SAT2: variants seen among roughly 807,000 people sequenced by gnomAD.
SAT2 encodes the protein thialysine N-epsilon-acetyltransferase.
A neutral mutation model predicts 24.8 loss-of-function variants in SAT2; 19 were observed. That is an observed-to-expected ratio of 0.77 (90% confidence interval 0.53 to 1.12). SAT2 has a LOEUF of 1.12. Ranked by LOEUF, SAT2 falls within the 50% of genes most tolerant of loss-of-function variation. The pLI is 0.00. For synonymous variants in SAT2, 77 were observed against 77.4 expected, an observed-to-expected ratio of 0.99 and a Z score of 0.03; for missense variants, 190 against 210.7, an observed-to-expected ratio of 0.90 and a Z score of 0.61.
chr17:7,626,943 C>T lies in SAT2; in HGVS notation c.304G>A (p.Gly102Ser). 6.2e-7 allele frequency: 1 copy of T among 1,613,584 alleles called. No homozygotes were observed. Among genetic ancestry groups the T allele is most frequent in the South Asian group, 1.1e-5 (1 of 91,054 alleles). The change falls in exon 4 of 6, where the codon GGT becomes AGT. Residue 102 changes from glycine (G) to serine (S), a missense_variant and splice_region_variant. By Grantham distance (56) the Gly-to-Ser change is moderately conservative. Coordinates refer to ENST00000269298, the MANE Select transcript of SAT2 (RefSeq NM_133491.5). ...CCCAGCCTCAGCTTCTGCCCAGTAC[C>T]CCGATATTCCGGCATCACATAGATA... is the stretch of plus-strand genomic sequence containing the variant. Reference protein sequence around the residue: ...EDIYVMPEYRGQGIGSKIIKK... With the variant: ...EDIYVMPEYRSQGIGSKIIKK...
In SAT2 at chr17:7,626,503, C is replaced by A; in HGVS notation, c.457G>T (p.Gly153Cys). 1 of 1,614,136 alleles carries A rather than the reference C, an allele frequency of 6.2e-7. No individual in the cohort carries two copies. The highest frequency in any genetic ancestry group is 2.2e-5 in the East Asian group (1 of 44,880). ...CCTTGAAAGCAGAAGAAGTGCCAGCCCTCAGCTTCCGTCAGATCTTGGGCT... is the reference window on the plus strand; with the variant it reads ...CCTTGAAAGCAGAAGAAGTGCCAGCACTCAGCTTCCGTCAGATCTTGGGCT... ...LGAQDLTEAE[G>C]WHFFCFQGEA... is the part of the protein sequence containing the mutation. The change falls in exon 6 of 6, where the codon GGC becomes TGC. Residue 153 changes from glycine to cysteine, a missense_variant. Coordinates refer to ENST00000269298, the MANE Select transcript of SAT2 (RefSeq NM_133491.5).
At chr17:7,627,826 G>A (rs572763211), upstream of SAT2, 1 of 678,896 alleles carries the variant, frequency 1.5e-6, no homozygotes, top group East Asian at 2.7e-5. This position sits in a 1 kb window ranked among gnomAD's most constrained non-coding sequence, Gnocchi z 4.8. Context: ...GGAGAGAGTA[G>A]GCCAGCGAGG....
chr17:7,626,700 C>G, intron 5 of SAT2, 53 bp downstream of exon 5: 1 of 1,613,564 alleles, frequency 6.2e-7, no homozygotes, highest in Non-Finnish European at 8.5e-7. Flanking sequence ...GTCCCCCCTC[C>G]ATATACCCTT....
chr17:7,627,188 G>T lies in SAT2; in HGVS notation c.157C>A (p.His53Asn). The change falls in exon 3 of 6, where the codon CAC becomes AAC. Residue 53 changes from histidine (H) to asparagine (N), a missense_variant. Physicochemically the swap from His to Asn is moderately conservative, Grantham distance 68 (BLOSUM62 1). Coordinates refer to ENST00000269298, the MANE Select transcript of SAT2 (RefSeq NM_133491.5). This position sits in a 1 kb window ranked among gnomAD's most constrained non-coding sequence, Gnocchi z 4.8. The stretch of plus-strand genomic sequence containing the variant: ...GGAAGAATCTCTGCTACCAAACAGT[G>T]ATAGAAAGGATTGTCTCCAAAGCCA... ...ADGFGDNPFY[H>N]CLVAEILPAP... 6.2e-7 allele frequency: 1 copy of T among 1,614,130 alleles called. No individual in the cohort carries two copies. The highest frequency in any genetic ancestry group is 1.1e-5 in the South Asian group (1 of 91,086).
At position 7,627,718 on chromosome 17, in the gene SAT2, C is replaced by T. The variant is rs778281010; in HGVS notation, c.-83G>A. On this transcript the variant is annotated 5_prime_UTR_variant, in exon 1 of 6. Transcript: ENST00000269298. The surrounding 1 kb of genome is among the most constrained non-coding windows in gnomAD (Gnocchi z 4.8). ...CCTTAAAGGGCCTACGGACTTGGAT[C>T]CTGAAGAGCCTGAGAGAGCGGGGTG... 6 of 1,506,818 alleles carry T rather than the reference C, an allele frequency of 4.0e-6. No individual in the cohort carries two copies. The highest frequency in any genetic ancestry group is 5.5e-6 in the Non-Finnish European group (6 of 1,084,776). The allele number at this position is 1,506,818 out of a possible 1,614,324, so 93.3% of individuals were successfully genotyped here.
Position 7,627,013 on chromosome 17 carries a change from A to C in SAT2, c.234T>G (p.Tyr78Ter), listed in dbSNP as rs2072232477. 5 of 1,613,858 alleles carry C rather than the reference A, an allele frequency of 3.1e-6. No homozygotes were observed. The highest frequency in any genetic ancestry group is 4.2e-6 in the Non-Finnish European group (5 of 1,179,982). Reference sequence around the variant, plus strand: ...GTCCCTTCCATGTACTGTAGATGAAATAGTATATCCCATAGCCCACCACGC... The same window carrying C: ...GTCCCTTCCATGTACTGTAGATGAACTAGTATATCCCATAGCCCACCACGC... The part of the protein sequence containing the change: ...GPCVVGYGIY[Y>*]FIYSTWKGRT... Residue 78 changes from tyrosine to a stop codon, truncating the protein, a stop_gained, in exon 4 of 6, where the codon TAT becomes TAG. Transcript: ENST00000269298. LOFTEE classifies it high-confidence loss of function. The surrounding 1 kb of genome is among the most constrained non-coding windows in gnomAD (Gnocchi z 4.8).
In SAT2 at chr17:7,627,651, C is replaced by G. The variant is rs1323380609; in HGVS notation, c.-16G>C. On this transcript the variant is annotated 5_prime_UTR_variant, in exon 1 of 6. Transcript: ENST00000269298. The surrounding 1 kb of genome is among the most constrained non-coding windows in gnomAD (Gnocchi z 4.8). Reference sequence around the variant, plus strand: ...CGGAAGCCATCCGGATCCCCGCTGTCTGGGACCAAAGTCCCAGGGCCTCGC... The same window carrying G: ...CGGAAGCCATCCGGATCCCCGCTGTGTGGGACCAAAGTCCCAGGGCCTCGC... The G allele has an allele frequency of 6.2e-7, 1 of 1,614,048 alleles. No individual in the cohort carries two copies. The highest frequency in any genetic ancestry group is 8.5e-7 in the Non-Finnish European group (1 of 1,179,990).
rs923213750 is a variant in SAT2 at position 7,627,148 on chromosome 17, A to C, written c.197T>G (p.Leu66Arg). The C allele has an allele frequency of 1.2e-6, 2 of 1,614,012 alleles. No homozygotes were observed. The highest frequency in any genetic ancestry group is 2.7e-5 in the African/African-American group (2 of 74,908). Residue 66 changes from leucine to arginine, a missense_variant, in exon 3 of 6, where the codon CTA becomes CGA. Transcript: ENST00000269298. This position sits in a 1 kb window ranked among gnomAD's most constrained non-coding sequence, Gnocchi z 4.8. Reference sequence around the variant, plus strand: ...TAAGGGCCAGGTGCTCTTACCCAGTAGCTTCCCGGGCGCTGGAAGAATCTC... The same window carrying C: ...TAAGGGCCAGGTGCTCTTACCCAGTCGCTTCCCGGGCGCTGGAAGAATCTC... ...VAEILPAPGK[L>R]LGPCVVGYGI...
rs766040675 is a variant in SAT2, at chr17:7,626,631, C to A, written c.346-17G>T. 3 of 1,611,664 alleles carry A rather than the reference C, an allele frequency of 1.9e-6. No individual in the cohort carries two copies. The South Asian group carries it at 3.3e-5, about 18-fold the overall frequency. On this transcript the variant is annotated splice_polypyrimidine_tract_variant and intron_variant, in intron 5 of 5. Coordinates refer to ENST00000269298, the MANE Select transcript of SAT2 (RefSeq NM_133491.5). The stretch of plus-strand genomic sequence containing the variant: ...CAAGGCCACCTGTGGGAGAAGACAA[C>A]ACTAACTTTTCTGGGGTCAAAAAAG...
chr17:7,627,872 A>C, upstream of SAT2: 1 of 636,588 alleles, frequency 1.6e-6, no homozygotes, highest in East Asian at 2.9e-5. This position sits in a 1 kb window ranked among gnomAD's most constrained non-coding sequence, Gnocchi z 4.8. Flanking sequence ...ACCCCCTCGA[A>C]TTCTGTCGCA....
At position 7,627,687 on chromosome 17, in the gene SAT2, T is replaced by C. The variant is rs1222801803; in HGVS notation, c.-52A>G. 1.2e-6 allele frequency: 2 copies of C among 1,605,806 alleles called. No homozygotes were observed. The highest frequency in any genetic ancestry group is 2.2e-5 in the South Asian group (2 of 90,896). On this transcript the variant is annotated 5_prime_UTR_variant, in exon 1 of 6. Transcript: ENST00000269298. This position sits in a 1 kb window ranked among gnomAD's most constrained non-coding sequence, Gnocchi z 4.8. Reference sequence around the variant, plus strand: ...GTCCCAGGGCCTCGCAAACGGCAACTAGACCCCTTAAAGGGCCTACGGACT... The same window carrying C: ...GTCCCAGGGCCTCGCAAACGGCAACCAGACCCCTTAAAGGGCCTACGGACT...
chr17:7,626,472 G>C lies in SAT2; in HGVS notation c.488C>G (p.Ala163Gly). 1.9e-6 allele frequency: 3 copies of C among 1,614,048 alleles called. No individual in the cohort carries two copies. The highest frequency in any genetic ancestry group is 2.5e-6 in the Non-Finnish European group (3 of 1,179,996). The change falls in exon 6 of 6, where the codon GCA becomes GGA. Residue 163 changes from alanine (A) to glycine (G), a missense_variant. Physicochemically the swap from Ala to Gly is moderately conservative, Grantham distance 60 (BLOSUM62 0). Coordinates refer to ENST00000269298, the MANE Select transcript of SAT2 (RefSeq NM_133491.5). ...TCACTTTCCTGCCAACTTTCTCGTT[G>C]CCTCTCCTTGAAAGCAGAAGAAGTG... Reference protein sequence around the residue: ...GWHFFCFQGEATRKLAGK With the variant: ...GWHFFCFQGEGTRKLAGK
In SAT2 at chr17:7,627,422, G is replaced by GT. The variant is rs754741028; in HGVS notation, c.67-9dup. 15 of 1,613,922 alleles carry GT rather than the reference G, an allele frequency of 9.3e-6. No homozygotes were observed. The highest frequency in any genetic ancestry group is 1.3e-5 in the Non-Finnish European group (15 of 1,180,004). On this transcript the variant is annotated splice_polypyrimidine_tract_variant and intron_variant, in intron 1 of 5. Coordinates refer to ENST00000269298, the MANE Select transcript of SAT2 (RefSeq NM_133491.5). This position sits in a 1 kb window ranked among gnomAD's most constrained non-coding sequence, Gnocchi z 4.8. Reference sequence around the variant, plus strand: ...TTCGAATTCGGCTAGCTCCTAAGGCGTGGGTACGGAAGCTAGATTAGAGCA... The same window carrying GT: ...TTCGAATTCGGCTAGCTCCTAAGGCGTTGGGTACGGAAGCTAGATTAGAGCA...
chr17:7,626,739 A>C lies in SAT2; in HGVS notation c.345+14T>G. 6.2e-7 allele frequency: 1 copy of C among 1,613,910 alleles called. No individual in the cohort carries two copies. The highest frequency in any genetic ancestry group is 8.5e-7 in the Non-Finnish European group (1 of 1,179,966). On this transcript the variant is annotated intron_variant, in intron 5 of 5. Transcript: ENST00000269298. ...TCTTCAGGTCCTCACTTGTCGCCCCACCCATCTCCTCACCTCAGCCACCTT... is the reference window on the plus strand; with the variant it reads ...TCTTCAGGTCCTCACTTGTCGCCCCCCCCATCTCCTCACCTCAGCCACCTT...
At position 7,627,643 on chromosome 17, in the gene SAT2, C is replaced by A. The variant is rs1330403066; in HGVS notation, c.-8G>T. On this transcript the variant is annotated 5_prime_UTR_variant, in exon 1 of 6. Coordinates refer to ENST00000269298, the MANE Select transcript of SAT2 (RefSeq NM_133491.5). This position sits in a 1 kb window ranked among gnomAD's most constrained non-coding sequence, Gnocchi z 4.8. ...GATCCGCACGGAAGCCATCCGGATC[C>A]CCGCTGTCTGGGACCAAAGTCCCAG... The A allele has an allele frequency of 6.2e-7, 1 of 1,613,926 alleles. No homozygotes were observed. Among genetic ancestry groups the A allele is most frequent in the African/African-American group, 1.3e-5 (1 of 74,902 alleles).
rs773016800 is a variant in SAT2 at position 7,627,188 on chromosome 17, G to C, written c.157C>G (p.His53Asp). ...ADGFGDNPFYHCLVAEILPAP... is the reference protein window; with the variant it reads ...ADGFGDNPFYDCLVAEILPAP... Reference sequence around the variant, plus strand: ...GGAAGAATCTCTGCTACCAAACAGTGATAGAAAGGATTGTCTCCAAAGCCA... The same window carrying C: ...GGAAGAATCTCTGCTACCAAACAGTCATAGAAAGGATTGTCTCCAAAGCCA... Residue 53 changes from histidine (H) to aspartate (D), a missense_variant, in exon 3 of 6, where the codon CAC becomes GAC. Physicochemically the swap from His to Asp is moderately conservative, Grantham distance 81. Coordinates refer to ENST00000269298, the MANE Select transcript of SAT2 (RefSeq NM_133491.5). This position sits in a 1 kb window ranked among gnomAD's most constrained non-coding sequence, Gnocchi z 4.8. The C allele has an allele frequency of 6.2e-7, 1 of 1,614,130 alleles. No homozygotes were observed. The highest frequency in any genetic ancestry group is 1.7e-5 in the Admixed American group (1 of 60,006).
rs144967278 is a variant in SAT2, at chr17:7,627,570, C to A, written c.66G>T (p.Arg22=). The A allele has an allele frequency of 5.3e-5, 86 of 1,609,926 alleles. No individual in the cohort carries two copies. The highest frequency in any genetic ancestry group is 6.6e-5 in the Non-Finnish European group (78 of 1,177,742). ...CGGGTTACCGGCCTGCAGTCTTCAC[C>A]CGAATCAGCCTCAGGATATCTCCAC... ...GDCGDILRLI[R]ELAEFEKLSD... Residue 22 remains arginine (R), a splice_region_variant and synonymous_variant, in exon 1 of 6, where the codon CGG becomes CGT. Coordinates refer to ENST00000269298, the MANE Select transcript of SAT2 (RefSeq NM_133491.5). This position sits in a 1 kb window ranked among gnomAD's most constrained non-coding sequence, Gnocchi z 4.8.
rs2072266813 is a variant in SAT2 at position 7,627,766 on chromosome 17, G to C, written c.-131C>G. The C allele has an allele frequency of 9.9e-7, 1 of 1,006,952 alleles. No individual in the cohort carries two copies. Among genetic ancestry groups the C allele is most frequent in the Admixed American group, 2.0e-5 (1 of 50,182 alleles). 62.4% of individuals were successfully genotyped at this position (1,006,952 alleles called of 1,614,324 possible). A position where few individuals can be genotyped will look rare whatever the true frequency, so the allele number is the denominator to read the frequency against. On this transcript the variant is annotated 5_prime_UTR_variant, in exon 1 of 6. Coordinates refer to ENST00000269298, the MANE Select transcript of SAT2 (RefSeq NM_133491.5). The surrounding 1 kb of genome is among the most constrained non-coding windows in gnomAD (Gnocchi z 4.8). ...GTGGCGGGAGTCGGGGGGGACGGCG[G>C]GGTAGCCGCGGCCTGGTAAGTGGAG...
chr17:7,627,560 C>G lies in SAT2; in HGVS notation c.66+10G>C. 1 of 1,608,534 alleles carries G rather than the reference C, an allele frequency of 6.2e-7. No individual in the cohort carries two copies. The highest frequency in any genetic ancestry group is 8.5e-7 in the Non-Finnish European group (1 of 1,176,712). ...CTCTGACCCCCGGGTTACCGGCCTGCAGTCTTCACCCGAATCAGCCTCAGG... is the reference window on the plus strand; with the variant it reads ...CTCTGACCCCCGGGTTACCGGCCTGGAGTCTTCACCCGAATCAGCCTCAGG... On this transcript the variant is annotated intron_variant, in intron 1 of 5. Coordinates refer to ENST00000269298, the MANE Select transcript of SAT2 (RefSeq NM_133491.5). This position sits in a 1 kb window ranked among gnomAD's most constrained non-coding sequence, Gnocchi z 4.8.
Sources: gnomAD v4.1 joint callset for allele counts on GRCh38, gnomAD v4.1.1 for gene constraint, Gnocchi (gnomAD v3.1) non-coding constraint, MANE v1.5 for transcripts, NCBI Gene and HGNC (gene_info 2026-07-23, HGNC 2026-07-21) for gene names.